The following DNM2 variants were observed in gnomAD, a reference collection of about 807,000 sequenced individuals.
The protein encoded by DNM2 is dynamin-2.
In DNM2, 15 loss-of-function variants were observed where a neutral mutation model predicts 99.0. That is an observed-to-expected ratio of 0.15 (90% CI 0.10 to 0.23). The LOEUF (loss-of-function observed/expected upper bound fraction) is 0.23. DNM2 is among the 10% of genes least tolerant of loss of function. The pLI, the probability that DNM2 is intolerant of heterozygous loss-of-function variation, is 1.00. For missense variants in DNM2, 742 were observed against 1,189.4 expected (o/e 0.62, Z 5.53); for synonymous variants, 525 against 481.2 (o/e 1.09, Z -1.19).
chr19:10,719,956 C>T (rs1442983924), intron 1 of DNM2, among the ~76,000 whole-genome samples: 1 of 152,190 alleles, frequency 6.6e-6, no homozygotes, highest in Non-Finnish European at 1.5e-5. Context: ...TTGTCTCTAG[C>T]TCATTGCCTT....
At chr19:10,754,373 C>A (rs1246424838) in intron 1 of DNM2, among the ~76,000 whole-genome samples, 3 of 151,474 alleles carry the variant, frequency 2.0e-5, no homozygotes, top group Admixed American at 6.6e-5. Context: ...CTGCCTCAGC[C>A]TCCTGAGTAG....
chr19:10,794,443 A>C (rs1027703307), intron 8 of DNM2, among the ~76,000 whole-genome samples: 5 of 151,960 alleles, frequency 3.3e-5, no homozygotes, highest in African/African-American at 1.2e-4. Flanking sequence ...AAAAACAAAC[A>C]GTTTTTTAAA....
intron 6 of DNM2, among the ~76,000 whole-genome samples, chr19:10,784,113 G>A (rs1271931250): frequency 6.6e-6 from 1 of 152,134 alleles, no homozygotes; most frequent in African/African-American, 2.4e-5. Context: ...CCTCCTCGCT[G>A]TTTTCTAGCA....
In DNM2 at chr19:10,823,783, C is replaced by G. The variant is rs200103145; in HGVS notation, c.1782-5C>G. The G allele has an allele frequency of 4.3e-6, 7 of 1,613,652 alleles. No homozygotes were observed. The East Asian group carries it at 1.6e-4, about 36-fold the overall frequency. On this transcript the variant is annotated splice_polypyrimidine_tract_variant and splice_region_variant and intron_variant, in intron 16 of 20. Transcript: ENST00000389253. The stretch of plus-strand genomic sequence containing the variant: ...TTGTGCCCCTCCTTCCCCACCCCCC[C>G]GCAGAAACGTCTACAAGGACCTGCG...
rs547923937 is a variant in DNM2, at chr19:10,817,260, G to A, written c.1672-2720G>A. 6.6e-6 allele frequency among the ~76,000 whole-genome samples: 1 copy of A among 152,196 alleles called. No homozygotes were observed. Among genetic ancestry groups the A allele is most frequent in the South Asian group, 2.1e-4 (1 of 4,816 alleles). On this transcript the variant is annotated intron_variant, in intron 15 of 20. Transcript: ENST00000389253. This position sits in a 1 kb window ranked among gnomAD's most constrained non-coding sequence, Gnocchi z 4.6. ...GGCCAGGGCCTCCAACCCCTCGGCC[G>A]GCCTCGGGGCTCCCTCTGCCTTTCC...
At chr19:10,762,639 CGAT>C (rs1245826974) in intron 2 of DNM2, among the ~76,000 whole-genome samples, 1 of 152,212 alleles carries the variant, frequency 6.6e-6, no homozygotes, top group East Asian at 1.9e-4. Context: ...CCCGGATGAA[CGAT>C]GATGGGTTCC....
chr19:10,790,359 G>C (rs1427027499), intron 7 of DNM2, among the ~76,000 whole-genome samples: 2 of 152,282 alleles, frequency 1.3e-5, no homozygotes, highest in East Asian at 3.9e-4. Flanking sequence ...TGACTGTACA[G>C]GCAAGGATTC....
At chr19:10,769,993 A>G (rs536207696) in intron 2 of DNM2, among the ~76,000 whole-genome samples, 1 of 152,334 alleles carries the variant, frequency 6.6e-6, no homozygotes, top group South Asian at 2.1e-4. Context: ...CCATCACGGA[A>G]CTTGGCCCAA....
intron 1 of DNM2, among the ~76,000 whole-genome samples, chr19:10,757,557 G>A (rs543541841): frequency 1.8e-4 from 28 of 152,250 alleles, no homozygotes; most frequent in African/African-American, 5.8e-4. Context: ...ATGCTGTCTC[G>A]TTCTGTACAG....
intron 1 of DNM2, among the ~76,000 whole-genome samples, chr19:10,728,946 A>C (rs1479741641): frequency 6.9e-6 from 1 of 145,726 alleles, no homozygotes; most frequent in African/African-American, 2.5e-5. Flanking sequence ...CCCGGTCTCA[A>C]AAAAAAAAAA....
intron 13 of DNM2, among the ~76,000 whole-genome samples, chr19:10,807,461 C>G (rs941916087): frequency 6.7e-6 from 1 of 149,670 alleles, no homozygotes; most frequent in African/African-American, 2.4e-5. Flanking sequence ...AGGCTGGTCT[C>G]AAACTCCTGA....
chr19:10,740,753 A>ACAAT (rs1341735151), intron 1 of DNM2, among the ~76,000 whole-genome samples: 2 of 152,126 alleles, frequency 1.3e-5, no homozygotes, highest in Non-Finnish European at 2.9e-5. Context: ...TGCATCCATA[A>ACAAT]GTTTTGATAT....
Position 10,734,014 on chromosome 19 carries a change from T to A in DNM2, c.161+15611T>A, listed in dbSNP as rs868068380. ...CAAAAGGAGACTCCATCTCAAAAAA[T>A]AAAAAAAAAAAAATGAATGAATGAA... On this transcript the variant is annotated intron_variant, in intron 1 of 20. Coordinates refer to ENST00000389253, the MANE Select transcript of DNM2 (RefSeq NM_001005361.3). Among the ~76,000 whole-genome samples, 903 of 134,758 alleles carry A rather than the reference T, an allele frequency of 6.7e-3. 16 individuals are homozygous for A. The highest frequency in any genetic ancestry group is 0.022 in the African/African-American group (817 of 36,700). 88.4% of individuals were successfully genotyped at this position (134,758 alleles called of 152,430 possible).
intron 5 of DNM2, among the ~76,000 whole-genome samples, chr19:10,778,574 C>G (rs1179431997): frequency 6.6e-6 from 1 of 152,046 alleles, no homozygotes; most frequent in African/African-American, 2.4e-5. Context: ...ATTGCTTGAG[C>G]CCAGGAGTTC....
chr19:10,787,766 A>AAC (rs2071613413), intron 7 of DNM2, among the ~76,000 whole-genome samples: 2 of 151,244 alleles, frequency 1.3e-5, no homozygotes, highest in Non-Finnish European at 2.9e-5. Context: ...AAAAAAAAAA[A>AAC]AAAAATTGCA....
intron 2 of DNM2, among the ~76,000 whole-genome samples, chr19:10,771,157 C>T (rs2070963934): frequency 6.6e-6 from 1 of 152,138 alleles, no homozygotes; most frequent in Non-Finnish European, 1.5e-5. Flanking sequence ...ATATCCCCTC[C>T]CCAACATTTT....
intron 16 of DNM2, among the ~76,000 whole-genome samples, chr19:10,822,935 T>C (rs2073026176): frequency 6.6e-6 from 1 of 151,320 alleles, no homozygotes; most frequent in Admixed American, 6.6e-5. Flanking sequence ...TGAAACCCCG[T>C]CTCTACTAAA....
At chr19:10,802,393 A>C in intron 12 of DNM2, 35 bp downstream of exon 12, 1 of 1,604,906 alleles carries the variant, frequency 6.2e-7, no homozygotes, top group Non-Finnish European at 8.5e-7. Flanking sequence ...GTCGGGCGGC[A>C]CCAATCCTCA....
rs2072733122 is a variant in DNM2 at position 10,816,178 on chromosome 19, T to C, written c.1671+3801T>C. Among the ~76,000 whole-genome samples, 1 of 151,940 alleles carries C rather than the reference T, an allele frequency of 6.6e-6. No homozygotes were observed. The highest frequency in any genetic ancestry group is 1.5e-5 in the Non-Finnish European group (1 of 67,950). The stretch of plus-strand genomic sequence containing the variant: ...GTCTGCGGGCCCATGCTCCCTGACC[T>C]GAGGGACACCCCAGCCCGACATCCG... On this transcript the variant is annotated intron_variant, in intron 15 of 20. Transcript: ENST00000389253. The surrounding 1 kb of genome is among the most constrained non-coding windows in gnomAD (Gnocchi z 4.6).
Sources: allele counts gnomAD v4.1 joint callset (sites outside exome capture counted in the v4.1 genomes callset), GRCh38; gene constraint gnomAD v4.1.1; non-coding constraint Gnocchi (gnomAD v3.1); transcripts MANE v1.5; gene names NCBI Gene and HGNC (gene_info 2026-07-23, HGNC 2026-07-21).